NDC1: variants seen among roughly 807,000 people sequenced by gnomAD.
NDC1 encodes NDC1 transmembrane nucleoporin, also known as nucleoporin NDC1.
A neutral mutation model predicts 89.8 loss-of-function variants in NDC1; 24 were observed. The ratio of observed to expected loss-of-function variants is 0.27; its 90% CI spans 0.19 to 0.38. NDC1 has a LOEUF of 0.38. NDC1 is among the 10% of genes least tolerant of loss of function. The pLI is 1.00. For missense variants in NDC1, 728 were observed against 797.6 expected, an observed-to-expected ratio of 0.91 and a Z score of 1.05; for synonymous variants, 296 against 284.8, an observed-to-expected ratio of 1.04 and a Z score of -0.39.
chr1:53,767,782 G>C lies in NDC1; in HGVS notation c.*188C>G. 1 of 432,762 alleles carries C rather than the reference G, an allele frequency of 2.3e-6. No individual in the cohort carries two copies. The highest frequency in any genetic ancestry group is 3.5e-5 in the East Asian group (1 of 28,520). The allele number at this position is 432,762 out of a possible 1,614,324, so 26.8% of individuals were successfully genotyped here. On this transcript the variant is annotated 3_prime_UTR_variant, in exon 18 of 18. Transcript: ENST00000371429. ...AAAAGCAATCGGTACAGAAAAGGCA[G>C]TTTTCAGTTATTCTGTTGAGAATTT... is the stretch of plus-strand genomic sequence containing the variant.
At position 53,804,040 on chromosome 1, in the gene NDC1, A is replaced by T. The variant is rs1557578737; in HGVS notation, c.985-31T>A. ...AGGGGGAAAAAACACATATTATTTA[A>T]TTTTTTTTAACCTCTACATAAAATC... is the stretch of plus-strand genomic sequence containing the variant. On this transcript the variant is annotated intron_variant, in intron 9 of 17. Coordinates refer to ENST00000371429, the MANE Select transcript of NDC1 (RefSeq NM_018087.5). The T allele has an allele frequency of 2.6e-6, 4 of 1,523,920 alleles. No homozygotes were observed. The South Asian group carries it at 4.5e-5, about 17-fold the overall frequency. The allele number at this position is 1,523,920 out of a possible 1,614,324, so 94.4% of individuals were successfully genotyped here.
intron 16 of NDC1, among the ~76,000 whole-genome samples, chr1:53,774,725 CA>C (rs1023614038): frequency 2.6e-5 from 4 of 151,882 alleles, no homozygotes; most frequent in African/African-American, 9.7e-5. Context: ...TCTGTCACTA[CA>C]AAAAATTTAA....
At position 53,784,224 on chromosome 1, in the gene NDC1, TAC is replaced by T. The variant is rs66868896; in HGVS notation, c.1800+2932_1800+2933del. Among the ~76,000 whole-genome samples, 204 of 149,396 alleles carry T rather than the reference TAC, an allele frequency of 1.4e-3. 1 individual carries two copies. The highest frequency in any genetic ancestry group is 1.9e-3 in the African/African-American group (78 of 40,898). On this transcript the variant is annotated intron_variant, in intron 16 of 17. Transcript: ENST00000371429. ...CCAAGAATCCTTTATTTCTGTTATC[TAC>T]ACACACACACACACACACACACACG...
intron 3 of NDC1, among the ~76,000 whole-genome samples, chr1:53,829,648 CA>C (rs1208694081): frequency 6.6e-6 from 1 of 152,156 alleles, no homozygotes; most frequent in African/African-American, 2.4e-5. Flanking sequence ...ATAGTAAATG[CA>C]TAAGGGATGG....
intron 16 of NDC1, among the ~76,000 whole-genome samples, chr1:53,782,945 G>A (rs545804284): frequency 1.4e-4 from 21 of 152,182 alleles, no homozygotes; most frequent in African/African-American, 4.1e-4. Flanking sequence ...TAAATTTAAC[G>A]TCTTGATAAT....
intron 16 of NDC1, among the ~76,000 whole-genome samples, chr1:53,777,743 GT>G (rs1647174459): frequency 1.3e-5 from 2 of 152,082 alleles, no homozygotes; most frequent in Non-Finnish European, 2.9e-5. Context: ...TTGAGACAGG[GT>G]CTCACTCTGT....
intron 3 of NDC1, 113 bp from the exon 4 acceptor site, chr1:53,828,286 A>C (rs1570237055): frequency 1.1e-6 from 1 of 948,732 alleles, no homozygotes; most frequent in Non-Finnish European, 1.5e-6. Flanking sequence ...AGAGAAATCC[A>C]CAGTCAACGC....
intron 16 of NDC1, among the ~76,000 whole-genome samples, chr1:53,785,878 C>T (rs79899603): frequency 0.012 from 1,810 of 152,062 alleles, 25 homozygotes; most frequent in Non-Finnish European, 0.019. Flanking sequence ...TCCAGAAGGC[C>T]TACTATATAC....
chr1:53,818,123 T>TA (rs1648540565), intron 6 of NDC1, among the ~76,000 whole-genome samples: 1 of 152,072 alleles, frequency 6.6e-6, no homozygotes, highest in Admixed American at 6.6e-5. Context: ...TTAATTGTGG[T>TA]AAAAAACCTA....
At chr1:53,820,444 A>G (rs1402210476) in intron 5 of NDC1, among the ~76,000 whole-genome samples, 27 of 152,072 alleles carry the variant, frequency 1.8e-4, no homozygotes, top group Admixed American at 1.8e-3. Flanking sequence ...TTAAATGATG[A>G]GTTAATGGGT....
At chr1:53,797,383 C>CCATGAATA (rs1557575374) in intron 11 of NDC1, among the ~76,000 whole-genome samples, 2 of 152,162 alleles carry the variant, frequency 1.3e-5, no homozygotes, top group African/African-American at 4.8e-5. Flanking sequence ...TTTTCCCCCC[C>CCATGAATA]CATGAATATC....
chr1:53,832,802 C>T (rs567032209), intron 2 of NDC1, among the ~76,000 whole-genome samples: 40 of 152,208 alleles, frequency 2.6e-4, no homozygotes, highest in African/African-American at 9.6e-4. Flanking sequence ...ATCACTAAGC[C>T]AGGGAGCTCA....
Position 53,838,121 on chromosome 1 carries a change from C to A in NDC1, c.57+84G>T, listed in dbSNP as rs111958777. 5 of 1,332,258 alleles carry A rather than the reference C, an allele frequency of 3.8e-6. No individual in the cohort carries two copies. The African/African-American group carries it at 5.9e-5, about 16-fold the overall frequency. 82.5% of individuals were successfully genotyped at this position (1,332,258 alleles called of 1,614,324 possible). A position where few individuals can be genotyped will look rare whatever the true frequency, so the allele number is the denominator to read the frequency against. ...CCACGCTGCCCCGGGACCGGCCCTC[C>A]CCCGCCCAGCGCGCACGCGCGATCA... On this transcript the variant is annotated intron_variant, in intron 1 of 17. Transcript: ENST00000371429.
chr1:53,837,656 A>G (rs1649280969), intron 1 of NDC1, among the ~76,000 whole-genome samples: 1 of 152,014 alleles, frequency 6.6e-6, no homozygotes, highest in Non-Finnish European at 1.5e-5. Context: ...GGATAGAAGC[A>G]CTTTTCCAAA....
intron 5 of NDC1, among the ~76,000 whole-genome samples, chr1:53,823,601 G>T (rs1213270396): frequency 2.6e-5 from 4 of 152,060 alleles, no homozygotes; most frequent in Admixed American, 2.6e-4. Flanking sequence ...GTCCAGCAAG[G>T]TATTGTGGGG....
intron 5 of NDC1, among the ~76,000 whole-genome samples, chr1:53,824,496 TC>T (rs1444564935): frequency 6.6e-6 from 1 of 152,140 alleles, no homozygotes; most frequent in Non-Finnish European, 1.5e-5. Context: ...CCAGACTGAG[TC>T]CTAGTGGGAG....
chr1:53,775,877 C>T (rs1051885749), intron 16 of NDC1, among the ~76,000 whole-genome samples: 3 of 151,802 alleles, frequency 2.0e-5, no homozygotes, highest in African/African-American at 7.3e-5. Context: ...TCCTTAAAAA[C>T]ATATTGTTCT....
At chr1:53,772,546 A>T in intron 16 of NDC1, 57 bp from the exon 17 acceptor site, 2 of 1,550,174 alleles carry the variant, frequency 1.3e-6, no homozygotes, top group Non-Finnish European at 1.8e-6. Flanking sequence ...AACCTAGGCC[A>T]GGTGCTGTGG....
At chr1:53,785,675 C>A (rs577633211) in intron 16 of NDC1, among the ~76,000 whole-genome samples, 47 of 152,034 alleles carry the variant, frequency 3.1e-4, no homozygotes, top group African/African-American at 1.1e-3. Flanking sequence ...CGGGTTCAAG[C>A]GGTTCTCCCC....
Sources: gnomAD v4.1 joint callset for allele counts (sites outside exome capture counted in the v4.1 genomes callset) on GRCh38, gnomAD v4.1.1 for gene constraint, MANE v1.5 for transcripts, NCBI Gene and HGNC (gene_info 2026-07-23, HGNC 2026-07-21) for gene names.